DSCAML1: variants seen among roughly 807,000 people sequenced by gnomAD.
DSCAML1 encodes the protein cell adhesion molecule DSCAML1.
In DSCAML1, 38 loss-of-function variants were observed where a neutral mutation model predicts 200.5. The observed-to-expected ratio is 0.19, with a 90% CI of 0.15 to 0.25. The LOEUF is 0.25. Ranked by LOEUF, DSCAML1 falls within the 10% of genes least tolerant of loss-of-function variation. The pLI, the probability that DSCAML1 is intolerant of heterozygous loss-of-function variation, is 1.00. For synonymous variants in DSCAML1, 1,215 were observed against 1,165.0 expected, an observed-to-expected ratio of 1.04 and a Z score of -0.87; for missense variants, 2,223 against 2,858.8, an observed-to-expected ratio of 0.78 and a Z score of 5.07.
intron 3 of DSCAML1, among the ~76,000 whole-genome samples, chr11:117,672,102 G>GGAAA (rs1555196987): frequency 2.1e-5 from 2 of 94,508 alleles, no homozygotes; most frequent in Non-Finnish European, 2.0e-5. Flanking sequence ...CTCCAGCTCA[G>GGAAA]AAAAAAAAAA....
At position 117,503,982 on chromosome 11, in the gene DSCAML1, G is replaced by T. The variant is rs1565746123; in HGVS notation, c.2222C>A (p.Thr741Asn). 6.2e-7 allele frequency: 1 copy of T among 1,614,208 alleles called. No individual in the cohort carries two copies. The highest frequency in any genetic ancestry group is 2.2e-5 in the East Asian group (1 of 44,880). The part of the protein sequence containing the change: ...NPQQYHPVPL[T>N]GRIQILPNSS... ...GTTGGGCAGGATCTGGATGCGGCCAGTGAGGGGCACAGGGTGGTACTGCTG... is the reference window on the plus strand; with the variant it reads ...GTTGGGCAGGATCTGGATGCGGCCATTGAGGGGCACAGGGTGGTACTGCTG... Residue 741 changes from threonine (T) to asparagine (N), a missense_variant, in exon 11 of 33, where the codon ACT becomes AAT. Thr to Asn is a moderately conservative substitution (Grantham distance 65). Around this residue, in one of 7 missense-constraint regions of DSCAML1, gnomAD observed 212 missense variants for 368.0 expected, o/e 0.58. Transcript: ENST00000651296. This position sits in a 1 kb window ranked among gnomAD's most constrained non-coding sequence, Gnocchi z 5.2.
chr11:117,753,339 C>T (rs1195176219), intron 3 of DSCAML1, among the ~76,000 whole-genome samples: 1 of 152,048 alleles, frequency 6.6e-6, no homozygotes, highest in Non-Finnish European at 1.5e-5. Context: ...CTGAGTGGTC[C>T]CGCATTCTTC....
chr11:117,794,908 G>A (rs1277947578), intron 1 of DSCAML1, among the ~76,000 whole-genome samples: 8 of 152,138 alleles, frequency 5.3e-5, no homozygotes, highest in Admixed American at 3.9e-4. Context: ...CAGGGGCACC[G>A]GGCTCTGCAG....
At position 117,780,243 on chromosome 11, in the gene DSCAML1, A is replaced by AG. The variant is rs1491204942; in HGVS notation, c.364+249dup. 9.2e-3 allele frequency among the ~76,000 whole-genome samples: 693 copies of AG among 75,506 alleles called. 3 individuals are homozygous for AG. Among genetic ancestry groups the AG allele is most frequent in the Non-Finnish European group, 0.017 (552 of 33,448 alleles). The allele number at this position is 75,506 out of a possible 152,430, so 49.5% of individuals were successfully genotyped here. A position where few individuals can be genotyped will look rare whatever the true frequency, so the allele number is the denominator to read the frequency against. ...AGAAAGAAAGAAAGGAAAGAAAGAA[A>AG]GAAAGAAAGAAAGAAAGAAAGAAAG... On this transcript the variant is annotated intron_variant, in intron 2 of 32. Coordinates refer to ENST00000651296, the MANE Select transcript of DSCAML1 (RefSeq NM_020693.4). This position sits in a 1 kb window ranked among gnomAD's most constrained non-coding sequence, Gnocchi z 4.8.
At chr11:117,571,082 A>G (rs543192381) in intron 3 of DSCAML1, among the ~76,000 whole-genome samples, 2 of 152,320 alleles carry the variant, frequency 1.3e-5, no homozygotes, top group East Asian at 3.9e-4. Context: ...ATGAAACTCA[A>G]ACCTCATTAT....
chr11:117,746,162 C>T (rs1327267748), intron 3 of DSCAML1, among the ~76,000 whole-genome samples: 1 of 123,878 alleles, frequency 8.1e-6, no homozygotes, highest in Non-Finnish European at 1.6e-5. Flanking sequence ...GCGGAGCTTA[C>T]AGTGAGCCCA....
intron 3 of DSCAML1, among the ~76,000 whole-genome samples, chr11:117,654,756 C>A (rs917180089): frequency 1.9e-4 from 29 of 152,232 alleles, no homozygotes; most frequent in African/African-American, 6.7e-4. Context: ...CTTGTTCTCA[C>A]CCAGGCACAT....
chr11:117,518,817 C>A lies in DSCAML1; in HGVS notation c.1214-55G>T. 1 of 1,537,856 alleles carries A rather than the reference C, an allele frequency of 6.5e-7. No homozygotes were observed. The highest frequency in any genetic ancestry group is 2.3e-5 in the East Asian group (1 of 43,074). On this transcript the variant is annotated intron_variant, in intron 6 of 32. Coordinates refer to ENST00000651296, the MANE Select transcript of DSCAML1 (RefSeq NM_020693.4). The surrounding 1 kb of genome is among the most constrained non-coding windows in gnomAD (Gnocchi z 6.3). ...TCACCAAGCCATGGAGAGACGGTCC[C>A]CCCAGCCACCCCACCTCAGCAGGGG...
rs780191285 is a variant in DSCAML1 at position 117,461,502 on chromosome 11, A to G, written c.3360T>C (p.Asn1120=). The G allele has an allele frequency of 6.2e-7, 1 of 1,614,196 alleles. No homozygotes were observed. The highest frequency in any genetic ancestry group is 2.2e-5 in the East Asian group (1 of 44,882). Residue 1120 remains asparagine (N), a synonymous_variant, in exon 18 of 33, where the codon AAT becomes AAC. Coordinates refer to ENST00000651296, the MANE Select transcript of DSCAML1 (RefSeq NM_020693.4). ...SWSEPPRSTL[N]GVLKGYRVIF... is the part of the protein sequence containing the mutation. ...TGACCCGATAGCCTTTGAGGACGCC[A>G]TTGAGGGTGCTGCGCGGGGGCTCTG...
intron 3 of DSCAML1, among the ~76,000 whole-genome samples, chr11:117,634,460 G>T (rs552374222): frequency 1.3e-5 from 2 of 152,182 alleles, no homozygotes; most frequent in Non-Finnish European, 2.9e-5. Flanking sequence ...CCTGCCGAAG[G>T]CCCGTCCAGC....
chr11:117,431,825 A>T, intron 30 of DSCAML1, 97 bp from the exon 31 acceptor site: 1 of 1,230,124 alleles, frequency 8.1e-7, no homozygotes, highest in Non-Finnish European at 1.1e-6. Flanking sequence ...GAGCAAGGGA[A>T]GAGGCAGATG....
chr11:117,469,863 G>GA lies in DSCAML1; in HGVS notation c.3024+46dup. On this transcript the variant is annotated intron_variant, in intron 16 of 32. Coordinates refer to ENST00000651296, the MANE Select transcript of DSCAML1 (RefSeq NM_020693.4). This position sits in a 1 kb window ranked among gnomAD's most constrained non-coding sequence, Gnocchi z 4.1. ...GAGCTTTCGTCCTGGATTGAGGAGAGAGGAGGCAAGCAGACATTCCAGGGG... is the reference window on the plus strand; with the variant it reads ...GAGCTTTCGTCCTGGATTGAGGAGAGAAGGAGGCAAGCAGACATTCCAGGGG... The GA allele has an allele frequency of 6.5e-7, 1 of 1,537,698 alleles. No individual in the cohort carries two copies. The highest frequency in any genetic ancestry group is 8.8e-7 in the Non-Finnish European group (1 of 1,130,124).
At chr11:117,680,702 C>G (rs2053295492) in intron 3 of DSCAML1, among the ~76,000 whole-genome samples, 1 of 152,192 alleles carries the variant, frequency 6.6e-6, no homozygotes, top group Non-Finnish European at 1.5e-5. Context: ...GACAGCCTCT[C>G]CAGGGCCAGG....
chr11:117,712,372 G>T (rs1398343504), intron 3 of DSCAML1, among the ~76,000 whole-genome samples: 1 of 152,074 alleles, frequency 6.6e-6, no homozygotes, highest in East Asian at 1.9e-4. Flanking sequence ...GTACCATTTG[G>T]GGCTGTAAGC....
At chr11:117,544,252 C>G (rs2050329131) in intron 3 of DSCAML1, among the ~76,000 whole-genome samples, 1 of 152,204 alleles carries the variant, frequency 6.6e-6, no homozygotes, top group African/African-American at 2.4e-5. Flanking sequence ...AAATTGCAAT[C>G]AATACAGGTT....
At chr11:117,764,435 C>A (rs1466391605) in intron 3 of DSCAML1, among the ~76,000 whole-genome samples, 1 of 152,148 alleles carries the variant, frequency 6.6e-6, no homozygotes, top group Non-Finnish European at 1.5e-5. Flanking sequence ...GGAATTTCTC[C>A]AAATCCCTTG....
intron 3 of DSCAML1, among the ~76,000 whole-genome samples, chr11:117,632,479 C>A (rs1411585555): frequency 6.6e-6 from 1 of 152,126 alleles, no homozygotes; most frequent in Non-Finnish European, 1.5e-5. Context: ...GATGAGTTTC[C>A]TGCCCCTCCC....
rs777040677 is a variant in DSCAML1, at chr11:117,739,124, T to C, written c.511+37667A>G. Reference sequence around the variant, plus strand: ...TAAAAGCAAAGGTTTCCATTGCCAATTGATAAAGAAAGAAAACTAAGCCTC... The same window carrying C: ...TAAAAGCAAAGGTTTCCATTGCCAACTGATAAAGAAAGAAAACTAAGCCTC... On this transcript the variant is annotated intron_variant, in intron 3 of 32. Coordinates refer to ENST00000651296, the MANE Select transcript of DSCAML1 (RefSeq NM_020693.4). Among the ~76,000 whole-genome samples, 9 of 152,126 alleles carry C rather than the reference T, an allele frequency of 5.9e-5. 1 individual carries two copies. The highest frequency in any genetic ancestry group is 2.0e-4 in the Admixed American group (3 of 15,282).
chr11:117,808,884 G>C (rs371183585), intron 1 of DSCAML1, among the ~76,000 whole-genome samples: 1 of 152,044 alleles, frequency 6.6e-6, no homozygotes, highest in Admixed American at 6.5e-5. Context: ...ACATGATCTC[G>C]TTCAATCTCT....
Sources: allele counts gnomAD v4.1 joint callset (sites outside exome capture counted in the v4.1 genomes callset), GRCh38; gene constraint gnomAD v4.1.1; regional missense constraint gnomAD v4.1.1; non-coding constraint Gnocchi (gnomAD v3.1); transcripts MANE v1.5; gene names NCBI Gene and HGNC (gene_info 2026-07-23, HGNC 2026-07-21).